ANKS1B: variants seen among roughly 807,000 people sequenced by gnomAD.
The protein encoded by ANKS1B is ankyrin repeat and sterile alpha motif domain containing 1B.
A neutral mutation model predicts 148.3 loss-of-function variants in ANKS1B; 36 were observed. That is an observed-to-expected ratio of 0.24 (90% confidence interval 0.19 to 0.32). The LOEUF (loss-of-function observed/expected upper bound fraction) is 0.32, where lower values mean the gene tolerates loss of function less well. ANKS1B is among the 10% of genes least tolerant of loss of function. The probability of loss-of-function intolerance (pLI) is 1.00; values close to 1 mark genes in which losing one functional copy is unlikely to be tolerated. For missense variants in ANKS1B, 1,157 were observed against 1,542.6 expected (o/e 0.75, Z 4.19); for synonymous variants, 542 against 560.8 (o/e 0.97, Z 0.47).
intron 14 of ANKS1B, among the ~76,000 whole-genome samples, chr12:99,198,008 C>A (rs1213250064): frequency 6.6e-6 from 1 of 152,136 alleles, no homozygotes; most frequent in Non-Finnish European, 1.5e-5. Context: ...ATCTTCCACA[C>A]TGATGCACCC....
intron 14 of ANKS1B, among the ~76,000 whole-genome samples, chr12:99,224,233 G>A (rs529179360): frequency 6.6e-6 from 1 of 152,264 alleles, no homozygotes; most frequent in South Asian, 2.1e-4. Context: ...TAATTTAAAA[G>A]TAAAGAGCTT....
intron 9 of ANKS1B, chr12:99,648,282 G>A: frequency 6.2e-7 from 1 of 1,614,194 alleles, no homozygotes; most frequent in Non-Finnish European, 8.5e-7. Context: ...ACAAAGGCGA[G>A]TATACTATAT....
chr12:99,654,869 T>G (rs1452639512), intron 9 of ANKS1B, among the ~76,000 whole-genome samples, 198 bp downstream of exon 9: 2 of 152,218 alleles, frequency 1.3e-5, no homozygotes, highest in Admixed American at 1.3e-4. Context: ...TTTACATAAA[T>G]TATGTCTTCG....
At chr12:99,192,749 T>C (rs188983615) in intron 14 of ANKS1B, among the ~76,000 whole-genome samples, 152 of 152,236 alleles carry the variant, frequency 1.0e-3, no homozygotes, top group African/African-American at 2.8e-3. Flanking sequence ...TCTTACATTC[T>C]CTAGGTAAAC....
At chr12:99,817,044 T>C (rs2069278483) in intron 2 of ANKS1B, among the ~76,000 whole-genome samples, 2 of 151,686 alleles carry the variant, frequency 1.3e-5, no homozygotes, top group South Asian at 4.1e-4. Flanking sequence ...TCACAATTCC[T>C]CTCTTCTAGC....
chr12:99,576,976 T>C (rs2097525529), intron 9 of ANKS1B, among the ~76,000 whole-genome samples: 1 of 151,878 alleles, frequency 6.6e-6, no homozygotes, highest in Non-Finnish European at 1.5e-5. Context: ...TTTATAGCAC[T>C]AGAAACCTAC....
Position 98,745,356 on chromosome 12 carries a change from GTA to G in ANKS1B, c.*381_*382del. The G allele has an allele frequency of 1.2e-6, 1 of 860,556 alleles. No individual in the cohort carries two copies. The highest frequency in any genetic ancestry group is 6.3e-4 in the Middle Eastern group (1 of 1,600). 53.3% of individuals were successfully genotyped at this position (860,556 alleles called of 1,614,324 possible). On this transcript the variant is annotated 3_prime_UTR_variant, in exon 27 of 27. Coordinates refer to ENST00000683438, the MANE Select transcript of ANKS1B (RefSeq NM_001352186.2). Reference sequence around the variant, plus strand: ...GACAGTGAAAGCATACTTTTAGGCAGTATTAGAGATCCCCTTTACTTTTTTTT... The same window carrying G: ...GACAGTGAAAGCATACTTTTAGGCAGTTAGAGATCCCCTTTACTTTTTTTT...
At chr12:98,857,249 A>T (rs2099576639) in intron 17 of ANKS1B, among the ~76,000 whole-genome samples, 1 of 152,224 alleles carries the variant, frequency 6.6e-6, no homozygotes, top group Non-Finnish European at 1.5e-5. Flanking sequence ...CGCTGTTCAC[A>T]GGGAAGAGGA....
At chr12:98,846,005 C>T (rs59560105) in intron 17 of ANKS1B, among the ~76,000 whole-genome samples, 100,757 of 149,398 alleles carry the variant, frequency 0.67, 34,447 homozygotes, top group South Asian at 0.83. Flanking sequence ...CACACACACA[C>T]ATATATGTAC....
In ANKS1B at chr12:99,722,577, G is replaced by A. The variant is rs564937316; in HGVS notation, c.1128+50345C>T. Among the ~76,000 whole-genome samples, 11 of 152,226 alleles carry A rather than the reference G, an allele frequency of 7.2e-5. No homozygotes were observed. In the East Asian group the frequency reaches 1.7e-3, roughly 24 times the overall value. ...TCCTTTCAAATTATTATTGCTCATC[G>A]ACAATGCACCTAATTACCCAAGAGC... On this transcript the variant is annotated intron_variant, in intron 8 of 26. Coordinates refer to ENST00000683438, the MANE Select transcript of ANKS1B (RefSeq NM_001352186.2).
chr12:99,707,643 G>T (rs1337456760), intron 8 of ANKS1B, among the ~76,000 whole-genome samples: 1 of 151,966 alleles, frequency 6.6e-6, no homozygotes, highest in Admixed American at 6.6e-5. Context: ...ATATGTGGGT[G>T]GTGAAATGGT....
intron 14 of ANKS1B, chr12:99,154,968 A>G (rs1242606735): frequency 6.5e-7 from 1 of 1,535,300 alleles, no homozygotes; most frequent in African/African-American, 1.4e-5. Flanking sequence ...CCTCCTACAC[A>G]CCCATCCAAG....
chr12:99,794,660 C>G (rs575530413), intron 4 of ANKS1B, among the ~76,000 whole-genome samples: 1 of 151,702 alleles, frequency 6.6e-6, no homozygotes, highest in South Asian at 2.1e-4. Context: ...CAATTGAACT[C>G]ACAGAGATAA....
At chr12:98,851,135 T>A (rs967396065) in intron 17 of ANKS1B, among the ~76,000 whole-genome samples, 3 of 152,164 alleles carry the variant, frequency 2.0e-5, no homozygotes, top group Admixed American at 6.5e-5. Context: ...CATCCATCCA[T>A]TCATTCCTTC....
chr12:98,888,211 T>C (rs2099744587), intron 17 of ANKS1B, among the ~76,000 whole-genome samples: 1 of 152,228 alleles, frequency 6.6e-6, no homozygotes, highest in Non-Finnish European at 1.5e-5. Context: ...TAGTAACAGA[T>C]ATTATTTTGG....
chr12:99,364,314 A>C (rs1455565068), intron 12 of ANKS1B, among the ~76,000 whole-genome samples: 1 of 152,166 alleles, frequency 6.6e-6, no homozygotes, highest in Non-Finnish European at 1.5e-5. Context: ...CAATCAGTGC[A>C]CATGAAGATT....
At chr12:99,648,833 G>C in intron 9 of ANKS1B, 7 of 1,567,834 alleles carry the variant, frequency 4.5e-6, no homozygotes, top group Non-Finnish European at 5.2e-6. Context: ...TGCTTTGGGG[G>C]AGAGCAGGTA....
intron 4 of ANKS1B, among the ~76,000 whole-genome samples, chr12:99,792,150 A>ATT (rs2065733302): frequency 6.6e-6 from 1 of 152,010 alleles, no homozygotes; most frequent in Non-Finnish European, 1.5e-5. Context: ...TCTAGAAGAA[A>ATT]TGGATAAATT....
At chr12:99,710,768 T>C (rs1176853748) in intron 8 of ANKS1B, among the ~76,000 whole-genome samples, 3 of 152,100 alleles carry the variant, frequency 2.0e-5, no homozygotes, top group Non-Finnish European at 4.4e-5. Context: ...TATTTACATA[T>C]GTTCCTTTAG....
Sources: allele counts gnomAD v4.1 joint callset (sites outside exome capture counted in the v4.1 genomes callset), GRCh38; gene constraint gnomAD v4.1.1; transcripts MANE v1.5; gene names NCBI Gene and HGNC (gene_info 2026-07-23, HGNC 2026-07-21).